Variants in ZNF782 observed in about 807,000 individuals in gnomAD.
ZNF782 encodes the protein zinc finger protein 782.
A neutral mutation model predicts 13.0 loss-of-function variants in ZNF782; 12 were observed. The observed-to-expected ratio is 0.92, with a 90% CI of 0.59 to 1.50. ZNF782 has a LOEUF of 1.50. Among genes scored for constraint, ZNF782 ranks in the 40% most tolerant of loss-of-function variants. The pLI, the probability that ZNF782 is intolerant of heterozygous loss-of-function variation, is 0.00. For synonymous variants in ZNF782, 284 were observed against 283.0 expected, an observed-to-expected ratio of 1.00 and a Z score of -0.04; for missense variants, 770 against 822.9, an observed-to-expected ratio of 0.94 and a Z score of 0.79.
the ZNF782 span, among the ~76,000 whole-genome samples, chr9:96,913,151 C>A: frequency 1.3e-5 from 2 of 151,910 alleles, no homozygotes; most frequent in African/African-American, 4.8e-5. Flanking sequence ...CCCGTCTCTA[C>A]TAAAAATACA....
At chr9:96,867,465 G>A (rs182983111) in intron 1 of ZNF782, among the ~76,000 whole-genome samples, 4 of 152,204 alleles carry the variant, frequency 2.6e-5, no homozygotes, top group Admixed American at 1.3e-4. Context: ...GCCCTGTCTC[G>A]GGTATTTATG....
the ZNF782 span, among the ~76,000 whole-genome samples, chr9:96,930,653 G>A: frequency 6.7e-6 from 1 of 149,192 alleles, no homozygotes; most frequent in Non-Finnish European, 1.5e-5. Context: ...ATATCTCAGG[G>A]GACTCCACCA....
At chr9:96,901,869 C>CAAAAAAA in the ZNF782 span, among the ~76,000 whole-genome samples, 1 of 59,604 alleles carries the variant, frequency 1.7e-5, no homozygotes, top group African/African-American at 4.7e-5. Context: ...AACTCTGTCT[C>CAAAAAAA]AAAAAAAAAA....
chr9:96,925,459 G>A, the ZNF782 span, among the ~76,000 whole-genome samples: 1 of 152,066 alleles, frequency 6.6e-6, no homozygotes, highest in Non-Finnish European at 1.5e-5. Flanking sequence ...CCAATATGGT[G>A]CAATCCCGTC....
chr9:96,912,160 A>G, the ZNF782 span, among the ~76,000 whole-genome samples: 1 of 144,802 alleles, frequency 6.9e-6, no homozygotes, highest in Non-Finnish European at 1.5e-5. Flanking sequence ...AGGATCCGCC[A>G]TCGCACTGCA....
At chr9:96,884,227 C>A in the ZNF782 span, among the ~76,000 whole-genome samples, 1 of 152,310 alleles carries the variant, frequency 6.6e-6, no homozygotes, top group African/African-American at 2.4e-5. Context: ...TCTGATTCCC[C>A]CACAGGGGTA....
the ZNF782 span, among the ~76,000 whole-genome samples, chr9:96,897,580 G>C: frequency 2.0e-5 from 3 of 151,250 alleles, no homozygotes; most frequent in African/African-American, 7.3e-5. Context: ...AGAAGTCCCT[G>C]AGTTCTCTGC....
intron 4 of ZNF782, among the ~76,000 whole-genome samples, chr9:96,841,332 C>G (rs1400522878): frequency 2.0e-5 from 3 of 151,822 alleles, no homozygotes; most frequent in Non-Finnish European, 3.0e-5. Context: ...GAATAAACAC[C>G]ACTTCTATAC....
the ZNF782 span, among the ~76,000 whole-genome samples, chr9:96,880,702 A>C: frequency 3.3e-5 from 5 of 152,248 alleles, no homozygotes; most frequent in African/African-American, 7.2e-5. Flanking sequence ...TATTTGTTGT[A>C]AACTTTGTGT....
At chr9:96,911,571 A>G in the ZNF782 span, among the ~76,000 whole-genome samples, 1 of 121,050 alleles carries the variant, frequency 8.3e-6, no homozygotes, top group African/African-American at 3.2e-5. Context: ...CCCAGGCGGG[A>G]GTGCAGTGGC....
At chr9:96,901,320 G>A in the ZNF782 span, among the ~76,000 whole-genome samples, 7 of 136,006 alleles carry the variant, frequency 5.1e-5, no homozygotes, top group South Asian at 1.7e-3. Flanking sequence ...TGCCCAAGCT[G>A]GAGTGCAGTG....
At chr9:96,898,659 G>A in the ZNF782 span, among the ~76,000 whole-genome samples, 3 of 146,112 alleles carry the variant, frequency 2.1e-5, no homozygotes, top group Non-Finnish European at 4.5e-5. Context: ...CGATTCTCAT[G>A]CCTCAGCCTC....
At chr9:96,888,518 A>G in the ZNF782 span, 1 of 152,252 alleles carries the variant, frequency 6.6e-6, no homozygotes, top group African/African-American at 2.4e-5. Context: ...ATAATAATCA[A>G]AAAATGGAGT....
chr9:96,901,394 C>G, the ZNF782 span, among the ~76,000 whole-genome samples: 1 of 149,860 alleles, frequency 6.7e-6, no homozygotes, highest in Non-Finnish European at 1.5e-5. Flanking sequence ...GCCTCAGCCT[C>G]CCGAGTAACT....
At chr9:96,931,738 A>T in the ZNF782 span, 28 of 1,611,302 alleles carry the variant, frequency 1.7e-5, no homozygotes, top group African/African-American at 9.4e-5. Flanking sequence ...CAGTGCTGGG[A>T]CCCGGCGTGA....
At chr9:96,871,927 C>G (rs751264992) in intron 1 of ZNF782, among the ~76,000 whole-genome samples, 1 of 152,118 alleles carries the variant, frequency 6.6e-6, no homozygotes, top group African/African-American at 2.4e-5. Context: ...AAATTATTTT[C>G]TCTAGATGTG....
chr9:96,840,390 C>A (rs1173435481), intron 4 of ZNF782, among the ~76,000 whole-genome samples: 1 of 151,940 alleles, frequency 6.6e-6, no homozygotes, highest in Non-Finnish European at 1.5e-5. Flanking sequence ...CAACACTTAT[C>A]TTTTCCTTTG....
At position 96,827,162 on chromosome 9, in the gene ZNF782, T is replaced by C. The variant is rs373901606; in HGVS notation, c.162A>G (p.Pro54=). ...LVSVGYCFTK[P]ELIFTLEQGE... is the part of the protein sequence containing the mutation. ...CTTGTTCCAATGTGAAGATCAGTTC[T>C]GGTTTTGTAAAGCAGTAGCCTATAA... The change falls in exon 5 of 6, where the codon CCA becomes CCG. Residue 54 remains proline, a synonymous_variant. Coordinates refer to ENST00000481138, the MANE Select transcript of ZNF782 (RefSeq NM_001001662.3). 59 of 1,611,416 alleles carry C rather than the reference T, an allele frequency of 3.7e-5. No individual in the cohort carries two copies. Among genetic ancestry groups the C allele is most frequent in the African/African-American group, 8.0e-5 (6 of 74,860 alleles).
chr9:96,863,374 C>T (rs1195541410), intron 1 of ZNF782, among the ~76,000 whole-genome samples: 1 of 151,590 alleles, frequency 6.6e-6, no homozygotes, highest in Non-Finnish European at 1.5e-5. Flanking sequence ...TACATGTTGG[C>T]TTGGATTTGG....
Sources: gnomAD v4.1 joint callset for allele counts (sites outside exome capture counted in the v4.1 genomes callset) on GRCh38, gnomAD v4.1.1 for gene constraint, MANE v1.5 for transcripts, NCBI Gene and HGNC (gene_info 2026-07-23, HGNC 2026-07-21) for gene names.